LRRC37A2: variants seen among roughly 807,000 people sequenced by gnomAD.
LRRC37A2 encodes the protein leucine rich repeat containing 37 member A2, also known as leucine-rich repeat-containing protein 37A2.
In LRRC37A2, 9 loss-of-function variants were observed where a neutral mutation model predicts 68.8. The observed-to-expected ratio is 0.13, with a 90% CI of 0.08 to 0.23. The LOEUF (loss-of-function observed/expected upper bound fraction) is 0.23, where lower values mean the gene tolerates loss of function less well. Among genes scored for constraint, LRRC37A2 ranks in the 10% least tolerant of loss-of-function variants. The pLI is 1.00. For missense variants in LRRC37A2, 168 were observed against 950.4 expected (o/e 0.18, Z 10.82); for synonymous variants, 63 against 367.6 (o/e 0.17, Z 9.48).
the LRRC37A2 span, among the ~76,000 whole-genome samples, chr17:46,766,539 C>T: frequency 7.8e-4 from 119 of 152,308 alleles, 1 homozygote; most frequent in African/African-American, 2.8e-3. Context: ...TCTCCCACTC[C>T]CCACACTGCT....
the LRRC37A2 span, chr17:46,832,999 G>A: frequency 4.2e-6 from 1 of 240,212 alleles, no homozygotes; most frequent in Admixed American, 5.2e-5. Flanking sequence ...GGTGGGAACA[G>A]GCCCCTTTAG....
the LRRC37A2 span, among the ~76,000 whole-genome samples, chr17:46,834,905 A>G: frequency 3.9e-5 from 6 of 152,184 alleles, no homozygotes; most frequent in African/African-American, 7.2e-5. Context: ...AAAAATGGCC[A>G]TTGAGCTCAC....
the LRRC37A2 span, among the ~76,000 whole-genome samples, chr17:46,733,381 T>A: frequency 6.6e-6 from 1 of 152,046 alleles, no homozygotes; most frequent in Non-Finnish European, 1.5e-5. Context: ...ACAGAGTGTC[T>A]GAAAAGGAAC....
At chr17:46,944,678 C>A in the LRRC37A2 span, among the ~76,000 whole-genome samples, 1 of 151,892 alleles carries the variant, frequency 6.6e-6, no homozygotes, top group South Asian at 2.1e-4. Flanking sequence ...CGGCTCACTG[C>A]AGCCTCTGCC....
At chr17:46,525,736 T>G (rs1444032126) in intron 6 of LRRC37A2, among the ~76,000 whole-genome samples, 2 of 101,508 alleles carry the variant, frequency 2.0e-5, no homozygotes, top group Admixed American at 1.9e-4. Context: ...TCAAAAACAT[T>G]CAGAGTGTCA....
chr17:46,840,791 A>T, the LRRC37A2 span, among the ~76,000 whole-genome samples: 1 of 152,202 alleles, frequency 6.6e-6, no homozygotes, highest in Admixed American at 6.5e-5. Flanking sequence ...TTGGCTGCAT[A>T]AATGTCTTCT....
chr17:46,938,230 T>C, the LRRC37A2 span, among the ~76,000 whole-genome samples: 1 of 152,228 alleles, frequency 6.6e-6, no homozygotes, highest in Non-Finnish European at 1.5e-5. Flanking sequence ...TTAGCTTTTA[T>C]GTTTAATTCT....
At chr17:46,493,286 A>G in the LRRC37A2 span, among the ~76,000 whole-genome samples, 1 of 135,008 alleles carries the variant, frequency 7.4e-6, no homozygotes, top group South Asian at 2.3e-4. Context: ...CGGCCTCCCA[A>G]GTAACTGGGA....
chr17:47,040,166 G>A, the LRRC37A2 span, among the ~76,000 whole-genome samples: 5 of 150,786 alleles, frequency 3.3e-5, 1 homozygote, highest in African/African-American at 1.2e-4. Context: ...CTCTAGGCCA[G>A]GCATGGTGGC....
chr17:46,403,761 C>G, the LRRC37A2 span, among the ~76,000 whole-genome samples: 1 of 89,804 alleles, frequency 1.1e-5, no homozygotes, highest in Non-Finnish European at 2.5e-5. Flanking sequence ...TACAGTGACA[C>G]GATCTCAGCT....
At chr17:46,894,912 C>T in the LRRC37A2 span, among the ~76,000 whole-genome samples, 3 of 152,228 alleles carry the variant, frequency 2.0e-5, no homozygotes, top group East Asian at 1.9e-4. Flanking sequence ...CCATGCAAGC[C>T]GGAATGCACG....
the LRRC37A2 span, among the ~76,000 whole-genome samples, chr17:46,961,474 G>A: frequency 1.3e-5 from 2 of 152,156 alleles, no homozygotes; most frequent in African/African-American, 4.8e-5. Context: ...GTTCGAGGCT[G>A]CAGTGAGCTA....
chr17:46,787,034 C>T, the LRRC37A2 span, among the ~76,000 whole-genome samples: 2 of 151,764 alleles, frequency 1.3e-5, no homozygotes, highest in South Asian at 2.1e-4. Flanking sequence ...AACTACTTGG[C>T]TCAACCAGTC....
chr17:46,489,861 TGACTA>T, the LRRC37A2 span, among the ~76,000 whole-genome samples: 22 of 151,146 alleles, frequency 1.5e-4, no homozygotes, highest in Admixed American at 5.3e-4. Context: ...TCTTGGATAC[TGACTA>T]GGCCCAAAGT....
At chr17:46,730,205 A>G in the LRRC37A2 span, among the ~76,000 whole-genome samples, 1 of 152,188 alleles carries the variant, frequency 6.6e-6, no homozygotes, top group African/African-American at 2.4e-5. Flanking sequence ...CAACATCTAC[A>G]TATATTATGC....
At chr17:46,841,999 T>G in the LRRC37A2 span, among the ~76,000 whole-genome samples, 1 of 152,158 alleles carries the variant, frequency 6.6e-6, no homozygotes, top group African/African-American at 2.4e-5. Flanking sequence ...GGGGCGCTCC[T>G]GCAGAAGGCT....
At chr17:46,675,373 G>A in the LRRC37A2 span, among the ~76,000 whole-genome samples, 1 of 127,964 alleles carries the variant, frequency 7.8e-6, no homozygotes, top group South Asian at 2.4e-4. Context: ...ATTTCGACTT[G>A]CCTGGTTACC....
At chr17:46,626,856 G>C in the LRRC37A2 span, 2 of 14,988 alleles carry the variant, frequency 1.3e-4, no homozygotes, top group Non-Finnish European at 3.2e-4. Context: ...GGAATTTAAA[G>C]ATACAGTCTT....
chr17:47,019,940 C>G, the LRRC37A2 span: 1 of 686,780 alleles, frequency 1.5e-6, no homozygotes, highest in Non-Finnish European at 2.6e-6. Context: ...CTTGTCAACT[C>G]TCCCTTCTCC....
Sources: allele counts gnomAD v4.1 joint callset (sites outside exome capture counted in the v4.1 genomes callset), GRCh38; gene constraint gnomAD v4.1.1; transcripts MANE v1.5; gene names NCBI Gene and HGNC (gene_info 2026-07-23, HGNC 2026-07-21).